The following TBC1D9 variants were observed in gnomAD, a reference collection of about 807,000 sequenced individuals.
The protein encoded by TBC1D9 is TBC1 domain family member 9.
In TBC1D9, 63 loss-of-function variants were observed where a neutral mutation model predicts 132.0. The observed-to-expected ratio is 0.48, with a 90% CI of 0.39 to 0.59. The LOEUF (loss-of-function observed/expected upper bound fraction) is 0.59. TBC1D9 is among the 20% of genes least tolerant of loss of function. The pLI, the probability that TBC1D9 is intolerant of heterozygous loss-of-function variation, is 0.00. For missense variants in TBC1D9, 1,261 were observed against 1,592.7 expected (o/e 0.79, Z 3.54); for synonymous variants, 610 against 609.9 (o/e 1.00, Z 0.00).
chr4:140,685,175 C>G (rs12645933), intron 3 of TBC1D9, among the ~76,000 whole-genome samples: 54,609 of 152,044 alleles, frequency 0.36, 11,714 homozygotes, highest in South Asian at 0.47. Context: ...TAAATCAAGA[C>G]AGAAATTTTG....
At chr4:140,751,353 A>G (rs2111087070) in intron 1 of TBC1D9, among the ~76,000 whole-genome samples, 1 of 152,304 alleles carries the variant, frequency 6.6e-6, no homozygotes, top group East Asian at 1.9e-4. Context: ...TTCCCAATAA[A>G]TCATTCTGGG....
rs970622089 is a variant in TBC1D9, at chr4:140,694,951, C to G, written c.241+6553G>C. On this transcript the variant is annotated intron_variant, in intron 2 of 20. Transcript: ENST00000442267. The stretch of plus-strand genomic sequence containing the variant: ...TTAACTCACTGTGTTTCTAAAGATA[C>G]GAGAATAGTCCTTGAGTTACACAGA... Among the ~76,000 whole-genome samples the G allele has an allele frequency of 3.3e-5, 5 of 152,030 alleles. No homozygotes were observed. In the East Asian group the frequency reaches 9.7e-4, roughly 29 times the overall value.
Position 140,622,862 on chromosome 4 carries a change from T to C in TBC1D9, c.3134A>G (p.Asn1045Ser), listed in dbSNP as rs60628862. 6.4e-4 allele frequency: 1,023 copies of C among 1,590,692 alleles called. 15 individuals carry two copies. In the East Asian group the frequency reaches 0.021, roughly 33 times the overall value. Reference protein sequence around the residue: ...TMYNMFSEDPNEQELYHATAA... With the variant: ...TMYNMFSEDPSEQELYHATAA... ...CGTGGCGTGGTACAGCTCCTGCTCA[T>C]TGGGGTCTTCGCTGAACATGTTATA... The change falls in exon 21 of 21, where the codon AAT becomes AGT. Residue 1045 changes from asparagine to serine, a missense_variant. Physicochemically the swap from Asn to Ser is conservative, Grantham distance 46. Coordinates refer to ENST00000442267, the MANE Select transcript of TBC1D9 (RefSeq NM_015130.3).
intron 1 of TBC1D9, among the ~76,000 whole-genome samples, chr4:140,724,157 C>T (rs1021868828): frequency 2.6e-5 from 4 of 152,134 alleles, no homozygotes; most frequent in Non-Finnish European, 5.9e-5. Flanking sequence ...TGAATGGGAC[C>T]AAACAGGCCT....
intron 9 of TBC1D9, among the ~76,000 whole-genome samples, chr4:140,664,257 G>C (rs554214077): frequency 6.6e-6 from 1 of 151,542 alleles, no homozygotes; most frequent in African/African-American, 2.4e-5. Context: ...ATACAAAAAA[G>C]AATAAAATAT....
chr4:140,629,161 T>C (rs1351604137), intron 16 of TBC1D9, among the ~76,000 whole-genome samples: 1 of 152,210 alleles, frequency 6.6e-6, no homozygotes, highest in Non-Finnish European at 1.5e-5. Flanking sequence ...CTCCAGCATC[T>C]GCTGAAACAT....
chr4:140,702,608 C>A (rs1738090087), intron 1 of TBC1D9, among the ~76,000 whole-genome samples: 1 of 152,170 alleles, frequency 6.6e-6, no homozygotes, highest in Non-Finnish European at 1.5e-5. Flanking sequence ...GGTGACAGTA[C>A]AAGGATTCTG....
rs1244498190 is a variant in TBC1D9 at position 140,707,087 on chromosome 4, A to C, written c.131-5473T>G. Reference sequence around the variant, plus strand: ...AAAGTGCTCAAGAAAGTGTGAGAATACCTGTTTCTCCATAATATCTCCAAT... The same window carrying C: ...AAAGTGCTCAAGAAAGTGTGAGAATCCCTGTTTCTCCATAATATCTCCAAT... On this transcript the variant is annotated intron_variant, in intron 1 of 20. Coordinates refer to ENST00000442267, the MANE Select transcript of TBC1D9 (RefSeq NM_015130.3). Among the ~76,000 whole-genome samples the C allele has an allele frequency of 2.6e-5, 4 of 151,738 alleles. No homozygotes were observed. The East Asian group carries it at 7.8e-4, about 30-fold the overall frequency.
Position 140,628,314 on chromosome 4 carries a change from A to G in TBC1D9, c.2798T>C (p.Met933Thr), listed in dbSNP as rs1181060104. The G allele has an allele frequency of 1.2e-6, 2 of 1,613,814 alleles. No homozygotes were observed. The highest frequency in any genetic ancestry group is 2.2e-5 in the East Asian group (1 of 44,894). ...LTEKLKLLYK[M>T]HVLPEPSSDQ... is the part of the protein sequence containing the mutation. ...AGCTCACTCACCAGGCAAGACGTGCATTTTGTACAGGAGTTTGAGCTTCTC... is the reference window on the plus strand; with the variant it reads ...AGCTCACTCACCAGGCAAGACGTGCGTTTTGTACAGGAGTTTGAGCTTCTC... The change falls in exon 17 of 21, where the codon ATG becomes ACG. Residue 933 changes from methionine (M) to threonine (T), a missense_variant. Met to Thr is a moderately conservative substitution (Grantham distance 81). Around this residue, in one of 3 missense-constraint regions of TBC1D9, gnomAD observed 618 missense variants for 724.4 expected, o/e 0.85. Transcript: ENST00000442267.
At chr4:140,670,038 T>C (rs1255317977) in intron 7 of TBC1D9, among the ~76,000 whole-genome samples, 2 of 152,174 alleles carry the variant, frequency 1.3e-5, no homozygotes, top group Non-Finnish European at 2.9e-5. Flanking sequence ...AATCTTCATG[T>C]TTTATATGTA....
chr4:140,652,229 A>T (rs1309425610), intron 13 of TBC1D9, among the ~76,000 whole-genome samples: 1 of 151,182 alleles, frequency 6.6e-6, no homozygotes, highest in Non-Finnish European at 1.5e-5. Flanking sequence ...TGACAGAGGG[A>T]GACCCTGTCT....
At chr4:140,738,279 G>A (rs988183203) in intron 1 of TBC1D9, among the ~76,000 whole-genome samples, 7 of 152,100 alleles carry the variant, frequency 4.6e-5, no homozygotes, top group African/African-American at 1.7e-4. Context: ...TTCCCAAACA[G>A]ATAGCTGTAA....
chr4:140,667,154 A>C (rs1356620479), intron 9 of TBC1D9, among the ~76,000 whole-genome samples: 1 of 152,080 alleles, frequency 6.6e-6, no homozygotes, highest in Non-Finnish European at 1.5e-5. Flanking sequence ...TGCTCTCTTC[A>C]TGATAGGCTG....
intron 5 of TBC1D9, among the ~76,000 whole-genome samples, chr4:140,678,544 C>T (rs1367361): frequency 0.39 from 59,426 of 152,054 alleles, 13,084 homozygotes; most frequent in South Asian, 0.55. Flanking sequence ...TTTCCCCCAT[C>T]GTCATCTTCC....
chr4:140,631,778 G>C (rs1188540905), intron 16 of TBC1D9, among the ~76,000 whole-genome samples: 1 of 151,926 alleles, frequency 6.6e-6, no homozygotes, highest in African/African-American at 2.4e-5. Flanking sequence ...TGTATTTTTA[G>C]TAGAGACAGG....
At position 140,700,220 on chromosome 4, in the gene TBC1D9, G is replaced by T. The variant is rs576120961; in HGVS notation, c.241+1284C>A. On this transcript the variant is annotated intron_variant, in intron 2 of 20. Transcript: ENST00000442267. Reference sequence around the variant, plus strand: ...ATCCCAGCACTTTGGGAGGTTGAGGGGGGCGGATCACCTGAGGTCAGGAGT... The same window carrying T: ...ATCCCAGCACTTTGGGAGGTTGAGGTGGGCGGATCACCTGAGGTCAGGAGT... Among the ~76,000 whole-genome samples the T allele has an allele frequency of 9.3e-3, 1,414 of 151,866 alleles. 11 individuals carry two copies. Among genetic ancestry groups the T allele is most frequent in the Non-Finnish European group, 0.014 (961 of 67,974 alleles).
intron 16 of TBC1D9, among the ~76,000 whole-genome samples, chr4:140,630,772 T>C (rs895473401): frequency 3.3e-5 from 5 of 152,338 alleles, no homozygotes; most frequent in African/African-American, 1.2e-4. Context: ...ACCCATTCAG[T>C]AAGTGTACTC....
chr4:140,679,049 A>C lies in TBC1D9; in HGVS notation c.744T>G (p.Leu248=). 6.2e-7 allele frequency: 1 copy of C among 1,613,950 alleles called. No homozygotes were observed. The highest frequency in any genetic ancestry group is 1.3e-5 in the African/African-American group (1 of 75,040). ...INETFKLMEQ[L]ANIAMRQLLD... ...AGAGTTGCCTCATGGCTATGTTGGC[A>C]AGCTGCTCCATTAACTTGAAGGTCT... Residue 248 remains leucine, a synonymous_variant, in exon 5 of 21, where the codon CTT becomes CTG. Transcript: ENST00000442267.
intron 2 of TBC1D9, among the ~76,000 whole-genome samples, chr4:140,692,027 A>T (rs1029251430): frequency 5.9e-5 from 9 of 152,216 alleles, no homozygotes; most frequent in Admixed American, 1.3e-4. Context: ...TTCATAATAA[A>T]TTTTTTTCTT....
Sources: gnomAD v4.1 joint callset for allele counts (sites outside exome capture counted in the v4.1 genomes callset) on GRCh38, gnomAD v4.1.1 for gene constraint, gnomAD v4.1.1 regional missense constraint, MANE v1.5 for transcripts, NCBI Gene and HGNC (gene_info 2026-07-23, HGNC 2026-07-21) for gene names.